The following PAPPA variants were observed in gnomAD, a reference collection of about 807,000 sequenced individuals.
PAPPA encodes pappalysin-1.
PAPPA carries 60 observed loss-of-function variants against 164.0 expected under a neutral mutation model. The observed-to-expected ratio is 0.37, with a 90% CI of 0.30 to 0.45. The LOEUF (loss-of-function observed/expected upper bound fraction) is 0.45. Among genes scored for constraint, PAPPA ranks in the 20% least tolerant of loss-of-function variants. The probability of loss-of-function intolerance (pLI) is 1.00; values close to 1 mark genes in which losing one functional copy is unlikely to be tolerated. For missense variants in PAPPA, 1,782 were observed against 2,087.3 expected (o/e 0.85, Z 2.85); for synonymous variants, 875 against 814.1 (o/e 1.07, Z -1.27).
chr9:116,353,504 A>G, intron 16 of PAPPA, 118 bp from the exon 17 acceptor site: 1 of 850,840 alleles, frequency 1.2e-6, no homozygotes, highest in Non-Finnish European at 1.9e-6. Context: ...CCAATAGGTC[A>G]GGTGGGGAAT....
At chr9:116,248,115 A>G (rs2118773117) in intron 7 of PAPPA, among the ~76,000 whole-genome samples, 1 of 152,352 alleles carries the variant, frequency 6.6e-6, no homozygotes, top group South Asian at 2.1e-4. Context: ...AAACACTCTG[A>G]CACATACAGA....
At chr9:116,350,750 G>A (rs1006159186) in intron 15 of PAPPA, among the ~76,000 whole-genome samples, 7 of 152,116 alleles carry the variant, frequency 4.6e-5, no homozygotes, top group Non-Finnish European at 8.8e-5. Context: ...AGCAATGACT[G>A]CCCCGATTAC....
At chr9:116,261,165 C>A (rs911471974) in intron 7 of PAPPA, among the ~76,000 whole-genome samples, 2 of 152,104 alleles carry the variant, frequency 1.3e-5, no homozygotes, top group Non-Finnish European at 2.9e-5. Context: ...AAATATGATA[C>A]GTAGTGCGTA....
chr9:116,380,243 G>T (rs954363237), intron 20 of PAPPA, among the ~76,000 whole-genome samples: 1 of 152,190 alleles, frequency 6.6e-6, no homozygotes, highest in Non-Finnish European at 1.5e-5. Context: ...TTAGCATAAT[G>T]TGTAACACAT....
intron 8 of PAPPA, 23 bp downstream of exon 8, chr9:116,266,008 A>G: frequency 6.3e-7 from 1 of 1,587,058 alleles, no homozygotes; most frequent in South Asian, 1.1e-5. Context: ...AATTAAAGAA[A>G]GAAGAGGAGG....
chr9:116,230,492 G>A (rs963760876), intron 6 of PAPPA, among the ~76,000 whole-genome samples: 3 of 152,164 alleles, frequency 2.0e-5, no homozygotes, highest in Non-Finnish European at 4.4e-5. Flanking sequence ...GCCCTTGAGT[G>A]AGTCACATAG....
intron 18 of PAPPA, among the ~76,000 whole-genome samples, chr9:116,365,512 C>A (rs191483946): frequency 6.7e-6 from 1 of 148,150 alleles, no homozygotes; most frequent in African/African-American, 2.5e-5. Flanking sequence ...AAGACATGAC[C>A]GCTGCATAGG....
chr9:116,367,865 A>C, intron 19 of PAPPA, 111 bp downstream of exon 19: 1 of 747,414 alleles, frequency 1.3e-6, no homozygotes. Flanking sequence ...ATATTACCTC[A>C]TTTAATCATC....
chr9:116,241,508 C>T (rs1844735132), intron 7 of PAPPA, among the ~76,000 whole-genome samples: 1 of 152,162 alleles, frequency 6.6e-6, no homozygotes, highest in African/African-American at 2.4e-5. Flanking sequence ...ATATGAATTT[C>T]TTATAACATG....
intron 17 of PAPPA, among the ~76,000 whole-genome samples, chr9:116,356,926 G>A (rs768996377): frequency 1.5e-4 from 23 of 152,244 alleles, no homozygotes; most frequent in South Asian, 2.1e-4. Context: ...AAACCTGCAC[G>A]TTCTGCACAT....
intron 12 of PAPPA, 165 bp downstream of exon 12, chr9:116,332,633 A>G (rs1019541241): frequency 1.3e-5 from 8 of 622,404 alleles, no homozygotes; most frequent in Admixed American, 2.9e-5. Context: ...AGATGTGGTT[A>G]TGTATCCAGA....
At chr9:116,194,180 C>T (rs977261405) in intron 2 of PAPPA, among the ~76,000 whole-genome samples, 2 of 152,160 alleles carry the variant, frequency 1.3e-5, no homozygotes, top group African/African-American at 4.8e-5. Context: ...CAGATTCTAG[C>T]CTGGGCTGGG....
chr9:116,243,505 T>C (rs1375006903), intron 7 of PAPPA, among the ~76,000 whole-genome samples: 1 of 152,154 alleles, frequency 6.6e-6, no homozygotes, highest in African/African-American at 2.4e-5. Context: ...GTCATTGATT[T>C]AAGGTCCCCC....
intron 9 of PAPPA, among the ~76,000 whole-genome samples, chr9:116,302,261 A>G (rs973167565): frequency 6.6e-6 from 1 of 152,148 alleles, no homozygotes; most frequent in Admixed American, 6.5e-5. Flanking sequence ...TACCTTCTTT[A>G]TATATTTTAA....
intron 2 of PAPPA, among the ~76,000 whole-genome samples, chr9:116,191,052 G>A (rs1844036766): frequency 6.6e-6 from 1 of 152,072 alleles, no homozygotes; most frequent in South Asian, 2.1e-4. Flanking sequence ...GAAGGAGGGA[G>A]GGAGGGAGAT....
In PAPPA at chr9:116,189,813, T is replaced by C. The variant is rs137862154; in HGVS notation, c.1478+1597T>C. Among the ~76,000 whole-genome samples, 60 of 152,306 alleles carry C rather than the reference T, an allele frequency of 3.9e-4. No homozygotes were observed. The East Asian group carries it at 0.011, about 29-fold the overall frequency. On this transcript the variant is annotated intron_variant, in intron 2 of 21. Transcript: ENST00000328252. ...CTGCTGACTCTTCTCTTTATGTCTCTCTCAAAAGAGCAAGGGCCTCCCGTG... is the reference window on the plus strand; with the variant it reads ...CTGCTGACTCTTCTCTTTATGTCTCCCTCAAAAGAGCAAGGGCCTCCCGTG...
At chr9:116,358,834 T>C (rs1846386454) in intron 17 of PAPPA, among the ~76,000 whole-genome samples, 1 of 152,368 alleles carries the variant, frequency 6.6e-6, no homozygotes, top group Admixed American at 6.5e-5. Context: ...CTCCCCTTTC[T>C]GGCTGCTGTC....
chr9:116,357,594 C>G (rs1197520408), intron 17 of PAPPA, among the ~76,000 whole-genome samples: 1 of 152,222 alleles, frequency 6.6e-6, no homozygotes, highest in Non-Finnish European at 1.5e-5. Flanking sequence ...GCTCTTTCCA[C>G]TGCTCCCAAA....
chr9:116,222,236 T>C (rs1425697422), intron 5 of PAPPA, among the ~76,000 whole-genome samples: 2 of 152,324 alleles, frequency 1.3e-5, no homozygotes, highest in East Asian at 3.9e-4. Context: ...CATCATCAGA[T>C]GAACAGGTAA....
Sources: allele counts gnomAD v4.1 joint callset (sites outside exome capture counted in the v4.1 genomes callset), GRCh38; gene constraint gnomAD v4.1.1; transcripts MANE v1.5; gene names NCBI Gene and HGNC (gene_info 2026-07-23, HGNC 2026-07-21).